The following CNTN5 variants were observed in gnomAD, a reference collection of about 807,000 sequenced individuals.
CNTN5 encodes the protein contactin-5.
Under a neutral mutation model 129.1 loss-of-function variants are expected in CNTN5, and 77 were observed. That is an observed-to-expected ratio of 0.60 (90% CI 0.50 to 0.72). CNTN5 has a LOEUF of 0.72. Among genes scored for constraint, CNTN5 ranks in the 30% least tolerant of loss-of-function variants. The pLI is 0.00. For missense variants in CNTN5, 1,478 were observed against 1,328.8 expected, an observed-to-expected ratio of 1.11 and a Z score of -1.75; for synonymous variants, 509 against 465.6, an observed-to-expected ratio of 1.09 and a Z score of -1.20.
intron 4 of CNTN5, among the ~76,000 whole-genome samples, chr11:99,838,304 A>G (rs781213400): frequency 4.6e-5 from 7 of 152,202 alleles, no homozygotes; most frequent in Non-Finnish European, 1.0e-4. Flanking sequence ...TTATGGCCCT[A>G]TGATAGCATA....
intron 1 of CNTN5, among the ~76,000 whole-genome samples, chr11:99,136,178 C>T (rs1490007973): frequency 3.3e-5 from 5 of 151,998 alleles, no homozygotes; most frequent in Admixed American, 2.6e-4. Context: ...TCTAAATTAC[C>T]ATTTGTGTCC....
chr11:100,352,825 A>G (rs1047861444), intron 24 of CNTN5, among the ~76,000 whole-genome samples: 1 of 151,800 alleles, frequency 6.6e-6, no homozygotes, highest in Non-Finnish European at 1.5e-5. Flanking sequence ...AATTTTCAAG[A>G]GCATCTTAAA....
Position 99,430,296 on chromosome 11 carries a change from G to A in CNTN5, c.-71+104812G>A, listed in dbSNP as rs139124231. ...TCTTTTTTGTTTAAAAAAACGAAAG[G>A]TTTCAGTAAACTAAAAAAAATTCCG... is the stretch of plus-strand genomic sequence containing the variant. On this transcript the variant is annotated intron_variant, in intron 2 of 24. Coordinates refer to ENST00000524871, the MANE Select transcript of CNTN5 (RefSeq NM_014361.4). Among the ~76,000 whole-genome samples, 319 of 151,772 alleles carry A rather than the reference G, an allele frequency of 2.1e-3. 7 individuals carry two copies. The highest frequency in any genetic ancestry group is 0.02 in the Admixed American group (300 of 15,220).
intron 1 of CNTN5, among the ~76,000 whole-genome samples, chr11:99,098,928 C>G (rs1866596520): frequency 6.6e-6 from 1 of 152,064 alleles, no homozygotes; most frequent in African/African-American, 2.4e-5. Context: ...GCACTGGTAT[C>G]TAAAAGTAGA....
At chr11:99,347,781 A>C (rs1198605227) in intron 2 of CNTN5, among the ~76,000 whole-genome samples, 1 of 152,224 alleles carries the variant, frequency 6.6e-6, no homozygotes. Context: ...TTCTGTCAGC[A>C]GAACTCCTGC....
intron 1 of CNTN5, among the ~76,000 whole-genome samples, chr11:99,119,550 A>G (rs1386770153): frequency 6.6e-6 from 1 of 151,936 alleles, no homozygotes; most frequent in Non-Finnish European, 1.5e-5. Context: ...ATGGGCATTC[A>G]GTTTGATTCC....
intron 8 of CNTN5, among the ~76,000 whole-genome samples, chr11:99,979,910 G>A (rs1316613827): frequency 1.3e-5 from 2 of 152,170 alleles, no homozygotes; most frequent in Admixed American, 6.5e-5. Flanking sequence ...AGAGCCATGT[G>A]ACTTTAGGTA....
At chr11:99,652,205 A>G (rs1487960947) in intron 3 of CNTN5, among the ~76,000 whole-genome samples, 4 of 151,988 alleles carry the variant, frequency 2.6e-5, no homozygotes, top group African/African-American at 9.7e-5. Context: ...TTGTCTTGCT[A>G]CCTGTCAGCC....
At chr11:99,648,883 A>G (rs959602053) in intron 3 of CNTN5, among the ~76,000 whole-genome samples, 2 of 151,780 alleles carry the variant, frequency 1.3e-5, no homozygotes, top group African/African-American at 2.4e-5. Flanking sequence ...GGAACCGAGA[A>G]TTCTAGAAGT....
At chr11:99,689,564 C>T (rs1953953894) in intron 3 of CNTN5, among the ~76,000 whole-genome samples, 3 of 134,822 alleles carry the variant, frequency 2.2e-5, no homozygotes, top group South Asian at 2.5e-4. Context: ...GCATTCCTTT[C>T]TCTCCACAAC....
intron 2 of CNTN5, among the ~76,000 whole-genome samples, chr11:99,347,784 A>G (rs1257885151): frequency 6.6e-6 from 1 of 151,880 alleles, no homozygotes; most frequent in Non-Finnish European, 1.5e-5. Context: ...TGTCAGCAGA[A>G]CTCCTGCTAA....
intron 2 of CNTN5, among the ~76,000 whole-genome samples, chr11:99,496,045 G>C (rs1946212202): frequency 6.6e-6 from 1 of 152,104 alleles, no homozygotes; most frequent in South Asian, 2.1e-4. Flanking sequence ...AAATGTCTAT[G>C]GTATATCCAA....
At chr11:99,891,726 A>G (rs1387075446) in intron 6 of CNTN5, among the ~76,000 whole-genome samples, 2 of 152,090 alleles carry the variant, frequency 1.3e-5, no homozygotes, top group African/African-American at 4.8e-5. Flanking sequence ...AATCCAGTCT[A>G]TCATTGATGG....
At chr11:99,679,095 CACAT>C (rs1182305143) in intron 3 of CNTN5, among the ~76,000 whole-genome samples, 5 of 143,356 alleles carry the variant, frequency 3.5e-5, no homozygotes, top group African/African-American at 2.6e-5. Flanking sequence ...TACATATACA[CACAT>C]ATATAGGAAA....
At chr11:99,241,318 G>GTTTTTTTTTTTTTTTTTTGTT in intron 1 of CNTN5, among the ~76,000 whole-genome samples, 1 of 88,050 alleles carries the variant, frequency 1.1e-5, no homozygotes, top group Non-Finnish European at 2.1e-5. Flanking sequence ...TTGATTGTTG[G>GTTTTTTTTTTTTTTTTTTGTT]TTTTTTTTTT....
chr11:99,802,834 T>A (rs1026699190), intron 3 of CNTN5, among the ~76,000 whole-genome samples: 1 of 152,142 alleles, frequency 6.6e-6, no homozygotes, highest in Non-Finnish European at 1.5e-5. Flanking sequence ...GTACTCCAAA[T>A]GCTTGGAAAT....
At chr11:99,481,427 A>G (rs897200918) in intron 2 of CNTN5, among the ~76,000 whole-genome samples, 2 of 152,086 alleles carry the variant, frequency 1.3e-5, no homozygotes, top group Non-Finnish European at 2.9e-5. Flanking sequence ...TTCTCCAATC[A>G]TAGTCCTTTT....
At chr11:99,884,010 G>C (rs1307569845) in intron 6 of CNTN5, among the ~76,000 whole-genome samples, 2 of 152,130 alleles carry the variant, frequency 1.3e-5, no homozygotes, top group Non-Finnish European at 2.9e-5. Flanking sequence ...CAATTAAAGT[G>C]ATTCTGTTTT....
At position 100,062,046 on chromosome 11, in the gene CNTN5, C is replaced by T. The variant is rs115527541; in HGVS notation, c.1162+653C>T. ...TTGTGTCTAAGAATTAGGAAAATCT[C>T]GTTCAAAAGTTTTTACAATCTCATC... On this transcript the variant is annotated intron_variant, in intron 10 of 24. Coordinates refer to ENST00000524871, the MANE Select transcript of CNTN5 (RefSeq NM_014361.4). Among the ~76,000 whole-genome samples the T allele has an allele frequency of 8.1e-3, 1,238 of 152,224 alleles. 13 individuals are homozygous for T. The highest frequency in any genetic ancestry group is 0.025 in the African/African-American group (1,048 of 41,534).
Sources: gnomAD v4.1 joint callset for allele counts (sites outside exome capture counted in the v4.1 genomes callset) on GRCh38, gnomAD v4.1.1 for gene constraint, MANE v1.5 for transcripts, NCBI Gene and HGNC (gene_info 2026-07-23, HGNC 2026-07-21) for gene names.